Variants in KANSL2 observed in about 807,000 individuals in gnomAD.
The protein encoded by KANSL2 is KAT8 regulatory NSL complex subunit 2.
KANSL2 carries 34 observed loss-of-function variants against 55.6 expected under a neutral mutation model. The observed-to-expected ratio is 0.61, with a 90% confidence interval of 0.46 to 0.81. The LOEUF is 0.81. KANSL2 is among the 40% of genes least tolerant of loss of function. KANSL2 has a pLI of 0.00. For missense variants in KANSL2, 502 were observed against 609.9 expected (o/e 0.82, Z 1.86); for synonymous variants, 209 against 214.3 (o/e 0.98, Z 0.22).
At chr12:48,662,460 A>G in intron 7 of KANSL2, 1 of 1,093,796 alleles carries the variant, frequency 9.1e-7, no homozygotes. Context: ...TATGTATTTA[A>G]TACCACAATA....
chr12:48,676,612 C>T (rs1380958361), intron 4 of KANSL2, among the ~76,000 whole-genome samples: 1 of 151,930 alleles, frequency 6.6e-6, no homozygotes, highest in East Asian at 1.9e-4. Flanking sequence ...GAGCTGAGAT[C>T]GCACCATTGC....
Position 48,681,761 on chromosome 12 carries a change from G to A in KANSL2, c.-9-120C>T, listed in dbSNP as rs754866269. On this transcript the variant is annotated intron_variant, in intron 1 of 9. Transcript: ENST00000420613. ...AAGTCGTCCCCGTAAGGTACGCTCC[G>A]TAAGTCCCCGCCGCCCTCCCCAAGT... is the stretch of plus-strand genomic sequence containing the variant. 1.7e-5 allele frequency: 21 copies of A among 1,266,678 alleles called. 1 individual carries two copies. The highest frequency in any genetic ancestry group is 3.7e-4 in the Middle Eastern group (2 of 5,460). 78.5% of individuals were successfully genotyped at this position (1,266,678 alleles called of 1,614,324 possible). A position where few individuals can be genotyped will look rare whatever the true frequency, so the allele number is the denominator to read the frequency against.
At chr12:48,681,848 C>A (rs1410402180) in intron 1 of KANSL2, 2 of 707,220 alleles carry the variant, frequency 2.8e-6, no homozygotes, top group Non-Finnish European at 5.1e-6. Context: ...GGCCCCACCC[C>A]GAACCACACC....
intron 4 of KANSL2, among the ~76,000 whole-genome samples, chr12:48,676,969 G>A (rs1271880768): frequency 6.6e-6 from 1 of 151,998 alleles, no homozygotes; most frequent in East Asian, 1.9e-4. Context: ...AATTCTTAAT[G>A]AAAAGAATTT....
chr12:48,671,412 C>T (rs1462871553), intron 5 of KANSL2, among the ~76,000 whole-genome samples: 2 of 151,992 alleles, frequency 1.3e-5, no homozygotes, highest in Admixed American at 6.6e-5. Context: ...TAATAATGTG[C>T]TAGGCCTTCC....
chr12:48,662,418 T>A (rs1939504906), intron 7 of KANSL2: 7 of 933,828 alleles, frequency 7.5e-6, no homozygotes, highest in Middle Eastern at 4.1e-4. Flanking sequence ...AACTTTTTTT[T>A]ATTGGAATTC....
chr12:48,656,684 G>C (rs1329435716), intron 8 of KANSL2: 1 of 517,100 alleles, frequency 1.9e-6, no homozygotes, highest in Admixed American at 2.0e-5. Flanking sequence ...ATTCGCACTG[G>C]AATACTGAAT....
intron 2 of KANSL2, among the ~76,000 whole-genome samples, chr12:48,680,268 T>C (rs1939897454): frequency 6.6e-6 from 1 of 152,152 alleles, no homozygotes. Flanking sequence ...TGTTGCCAAG[T>C]CTGGTCTGGA....
intron 7 of KANSL2, among the ~76,000 whole-genome samples, chr12:48,661,417 A>T (rs1939486034): frequency 6.6e-6 from 1 of 152,240 alleles, no homozygotes; most frequent in Non-Finnish European, 1.5e-5. Context: ...ATGATTAGAT[A>T]CAATAAAATT....
At chr12:48,679,590 T>C in intron 3 of KANSL2, 65 bp downstream of exon 3, 1 of 1,369,506 alleles carries the variant, frequency 7.3e-7, no homozygotes, top group Non-Finnish European at 1.0e-6. Context: ...GGCATTGTGC[T>C]AACCCAAAAT....
In KANSL2 at chr12:48,682,233, T is replaced by G. The variant is rs954717072; in HGVS notation, c.-56A>C. 34 of 625,092 alleles carry G rather than the reference T, an allele frequency of 5.4e-5. No individual in the cohort carries two copies. The highest frequency in any genetic ancestry group is 7.4e-5 in the Non-Finnish European group (26 of 349,266). 38.7% of individuals were successfully genotyped at this position (625,092 alleles called of 1,614,324 possible). On this transcript the variant is annotated 5_prime_UTR_variant, in exon 1 of 10. Transcript: ENST00000420613. ...CACTCTGCCGCGCCGCTCGCCCTTC[T>G]CTAGTGGCGCCAGCGGCTCTCAGAT...
chr12:48,656,088 T>C (rs79743204), intron 8 of KANSL2, among the ~76,000 whole-genome samples: 5,401 of 152,226 alleles, frequency 0.035, 145 homozygotes, highest in African/African-American at 0.071. Context: ...TATTGCTGGG[T>C]AATACAAGAT....
chr12:48,664,922 T>C (rs1274875132), intron 7 of KANSL2, among the ~76,000 whole-genome samples: 1 of 143,114 alleles, frequency 7.0e-6, no homozygotes, highest in Non-Finnish European at 1.5e-5. Flanking sequence ...GGTTTTCCTC[T>C]GTCACCCAAA....
In KANSL2 at chr12:48,681,563, C is replaced by G; in HGVS notation, c.70G>C (p.Glu24Gln). The G allele has an allele frequency of 6.2e-7, 1 of 1,614,004 alleles. No homozygotes were observed. The highest frequency in any genetic ancestry group is 1.1e-5 in the South Asian group (1 of 91,088). Reference protein sequence around the residue: ...GRITPVPRSQEPLSCAFTHRP... With the variant: ...GRITPVPRSQQPLSCAFTHRP... ...TGAGTGAATGCACAAGACAGAGGTT[C>G]CTGAGACCTGGGCACTGGAGTGATC... Residue 24 changes from glutamate to glutamine, a missense_variant, in exon 2 of 10, where the codon GAA becomes CAA. Coordinates refer to ENST00000420613, the MANE Select transcript of KANSL2 (RefSeq NM_017822.4).
At chr12:48,673,316 T>C (rs554641067) in intron 4 of KANSL2, among the ~76,000 whole-genome samples, 5 of 152,194 alleles carry the variant, frequency 3.3e-5, no homozygotes, top group African/African-American at 9.6e-5. Context: ...TCCTAGCACC[T>C]TGGGAGGCCA....
At chr12:48,668,568 A>T (rs1939645044) in intron 6 of KANSL2, among the ~76,000 whole-genome samples, 1 of 152,196 alleles carries the variant, frequency 6.6e-6, no homozygotes, top group African/African-American at 2.4e-5. Context: ...ACATGGTGGC[A>T]CATGCCTGTA....
intron 5 of KANSL2, among the ~76,000 whole-genome samples, chr12:48,669,869 T>C (rs1939677159): frequency 6.6e-6 from 1 of 152,124 alleles, no homozygotes; most frequent in Non-Finnish European, 1.5e-5. Context: ...TTTGTGGTGA[T>C]GCTGGTGACC....
Position 48,654,926 on chromosome 12 carries a change from C to T in KANSL2, c.1347+15G>A, listed in dbSNP as rs764316521. On this transcript the variant is annotated intron_variant, in intron 9 of 9. Coordinates refer to ENST00000420613, the MANE Select transcript of KANSL2 (RefSeq NM_017822.4). ...CACTACATGAGGGAAACAGGTGGGACTGTTCTTCACTTGCCAAAATATCCA... is the reference window on the plus strand; with the variant it reads ...CACTACATGAGGGAAACAGGTGGGATTGTTCTTCACTTGCCAAAATATCCA... The T allele has an allele frequency of 4.2e-5, 66 of 1,555,970 alleles. No individual in the cohort carries two copies. Among genetic ancestry groups the T allele is most frequent in the Non-Finnish European group, 5.4e-5 (62 of 1,149,360 alleles).
intron 7 of KANSL2, among the ~76,000 whole-genome samples, chr12:48,663,735 T>C (rs1939531806): frequency 6.6e-6 from 1 of 152,178 alleles, no homozygotes; most frequent in South Asian, 2.1e-4. Context: ...TAGGAAGCTA[T>C]GTTGTTGATA....
Sources: gnomAD v4.1 joint callset for allele counts (sites outside exome capture counted in the v4.1 genomes callset) on GRCh38, gnomAD v4.1.1 for gene constraint, MANE v1.5 for transcripts, NCBI Gene and HGNC (gene_info 2026-07-23, HGNC 2026-07-21) for gene names.